NLE1: variants seen among roughly 807,000 people sequenced by gnomAD.
The protein encoded by NLE1 is notchless protein homolog 1.
In NLE1, 37 loss-of-function variants were observed where a neutral mutation model predicts 62.8. The observed-to-expected ratio is 0.59, with a 90% CI of 0.45 to 0.78. The LOEUF is 0.78. NLE1 is among the 30% of genes least tolerant of loss of function. The pLI is 0.00. For synonymous variants in NLE1, 243 were observed against 253.0 expected (o/e 0.96, Z 0.37); for missense variants, 555 against 637.9 (o/e 0.87, Z 1.40).
At chr17:35,134,795 T>C (rs1359932292) in intron 10 of NLE1, 7 of 346,528 alleles carry the variant, frequency 2.0e-5, no homozygotes, top group Non-Finnish European at 3.4e-5. Flanking sequence ...CTCACACCTG[T>C]AATCCCAGCA....
chr17:35,136,541 C>G, intron 7 of NLE1, 44 bp from the exon 8 acceptor site: 1 of 1,582,778 alleles, frequency 6.3e-7, no homozygotes, highest in Non-Finnish European at 8.6e-7. Context: ...CTCCTCCCCA[C>G]GCCTGGGCGA....
rs1233547589 is a variant in NLE1, at chr17:35,130,873, T to TC, written c.*1563dup. ...GCAATAGGATGCTGCCATCACCCCT[T>TC]CCCCAGTGGGGCGGGGTAGGGGAAC... On this transcript the variant is annotated 3_prime_UTR_variant, in exon 13 of 13. Transcript: ENST00000442241. 6.2e-6 allele frequency: 1 copy of TC among 161,736 alleles called. No individual in the cohort carries two copies. Among genetic ancestry groups the TC allele is most frequent in the Non-Finnish European group, 1.4e-5 (1 of 73,404 alleles). 10.0% of individuals were successfully genotyped at this position (161,736 alleles called of 1,614,324 possible).
At chr17:35,142,202 A>AC in intron 1 of NLE1, 56 bp downstream of exon 1, 1 of 1,584,200 alleles carries the variant, frequency 6.3e-7, no homozygotes, top group Non-Finnish European at 8.6e-7. Flanking sequence ...GGCCTCAGGG[A>AC]CCCGGGCCCT....
intron 10 of NLE1, 199 bp downstream of exon 10, chr17:35,135,050 A>G (rs1332057560): frequency 3.0e-6 from 2 of 675,466 alleles, no homozygotes; most frequent in East Asian, 2.9e-5. Flanking sequence ...TGACAGAGTG[A>G]AAGTCATCTC....
Position 35,130,327 on chromosome 17 carries a change from C to T in NLE1, c.*2110G>A, listed in dbSNP as rs1191792142. 6.2e-7 allele frequency: 1 copy of T among 1,613,982 alleles called. No individual in the cohort carries two copies. Among genetic ancestry groups the T allele is most frequent in the Non-Finnish European group, 8.5e-7 (1 of 1,179,996 alleles). The stretch of plus-strand genomic sequence containing the variant: ...CTTCAGCAGCTTTCCTGAGAACTAC[C>T]CCATCCAGATCACCGTGCGGCGCAA... On this transcript the variant is annotated 3_prime_UTR_variant, in exon 13 of 13. Transcript: ENST00000442241.
chr17:35,132,434 G>A lies in NLE1; in HGVS notation c.*3C>T, dbSNP rs191571929. 111 of 1,430,838 alleles carry A rather than the reference G, an allele frequency of 7.8e-5. No homozygotes were observed. Among genetic ancestry groups the A allele is most frequent in the Admixed American group, 4.0e-4 (14 of 35,046 alleles). 88.6% of individuals were successfully genotyped at this position (1,430,838 alleles called of 1,614,324 possible). On this transcript the variant is annotated 3_prime_UTR_variant, in exon 13 of 13. Coordinates refer to ENST00000442241, the MANE Select transcript of NLE1 (RefSeq NM_018096.5). ...TGGGGGTCAGAGAGAACTTCGGGCC[G>A]TCTCATCTCCTCCATCTGTGGAGAA...
rs767270130 is a variant in NLE1, at chr17:35,130,012, G to A, written c.*2425C>T. On this transcript the variant is annotated 3_prime_UTR_variant, in exon 13 of 13. Coordinates refer to ENST00000442241, the MANE Select transcript of NLE1 (RefSeq NM_018096.5). ...GGAAGACAAGAGGCTAAAGGGGGACGAAGAAGGGAACAGCCTGGGTATGGG... is the reference window on the plus strand; with the variant it reads ...GGAAGACAAGAGGCTAAAGGGGGACAAAGAAGGGAACAGCCTGGGTATGGG... 3.3e-5 allele frequency: 46 copies of A among 1,380,292 alleles called. No homozygotes were observed. Among genetic ancestry groups the A allele is most frequent in the Non-Finnish European group, 3.6e-5 (38 of 1,069,248 alleles). 85.5% of individuals were successfully genotyped at this position (1,380,292 alleles called of 1,614,324 possible).
chr17:35,130,516 T>G lies in NLE1; in HGVS notation c.*1921A>C. The G allele has an allele frequency of 7.0e-7, 1 of 1,431,908 alleles. No homozygotes were observed. Among genetic ancestry groups the G allele is most frequent in the Non-Finnish European group, 9.6e-7 (1 of 1,043,678 alleles). 88.7% of individuals were successfully genotyped at this position (1,431,908 alleles called of 1,614,324 possible). On this transcript the variant is annotated 3_prime_UTR_variant, in exon 13 of 13. Transcript: ENST00000442241. Reference sequence around the variant, plus strand: ...GAAACCAGAGCCATGAGACCTACCATACCACCAGCACCCTGCGGGCCCGGG... The same window carrying G: ...GAAACCAGAGCCATGAGACCTACCAGACCACCAGCACCCTGCGGGCCCGGG...
rs2091870534 is a variant in NLE1, at chr17:35,130,518, C to T, written c.*1919G>A. The T allele has an allele frequency of 1.4e-6, 2 of 1,405,320 alleles. No homozygotes were observed. Among genetic ancestry groups the T allele is most frequent in the Non-Finnish European group, 9.7e-7 (1 of 1,027,042 alleles). The allele number at this position is 1,405,320 out of a possible 1,614,324, so 87.1% of individuals were successfully genotyped here. A position where few individuals can be genotyped will look rare whatever the true frequency, so the allele number is the denominator to read the frequency against. Reference sequence around the variant, plus strand: ...AACCAGAGCCATGAGACCTACCATACCACCAGCACCCTGCGGGCCCGGGGT... The same window carrying T: ...AACCAGAGCCATGAGACCTACCATATCACCAGCACCCTGCGGGCCCGGGGT... On this transcript the variant is annotated 3_prime_UTR_variant, in exon 13 of 13. Coordinates refer to ENST00000442241, the MANE Select transcript of NLE1 (RefSeq NM_018096.5).
chr17:35,130,715 A>G lies in NLE1; in HGVS notation c.*1722T>C. 1 of 396,136 alleles carries G rather than the reference A, an allele frequency of 2.5e-6. No individual in the cohort carries two copies. Among genetic ancestry groups the G allele is most frequent in the South Asian group, 3.8e-5 (1 of 26,468 alleles). 24.5% of individuals were successfully genotyped at this position (396,136 alleles called of 1,614,324 possible). The stretch of plus-strand genomic sequence containing the variant: ...CTGGGTCTAGGTCCCTCATTAAAGA[A>G]CTGCAGGTCATCCAGCACCCTAAAG... On this transcript the variant is annotated 3_prime_UTR_variant, in exon 13 of 13. Coordinates refer to ENST00000442241, the MANE Select transcript of NLE1 (RefSeq NM_018096.5).
At position 35,129,074 on chromosome 17, in the gene NLE1, A is replaced by C; in HGVS notation, c.*3363T>G. On this transcript the variant is annotated 3_prime_UTR_variant, in exon 13 of 13. Coordinates refer to ENST00000442241, the MANE Select transcript of NLE1 (RefSeq NM_018096.5). ...GGGGAGCAGCTGTAAATACAGATGA[A>C]GCTTCGCTTGCTCGCCCACCAATCT... The C allele has an allele frequency of 4.3e-6, 1 of 230,718 alleles. No homozygotes were observed. The highest frequency in any genetic ancestry group is 8.7e-6 in the Non-Finnish European group (1 of 115,128). 14.3% of individuals were successfully genotyped at this position (230,718 alleles called of 1,614,324 possible). A position where few individuals can be genotyped will look rare whatever the true frequency, so the allele number is the denominator to read the frequency against.
chr17:35,138,316 G>C (rs2091921958), intron 4 of NLE1, among the ~76,000 whole-genome samples: 2 of 152,222 alleles, frequency 1.3e-5, no homozygotes, highest in African/African-American at 2.4e-5. Context: ...GTGGTCGTCA[G>C]AGCAGCAGCA....
At position 35,131,058 on chromosome 17, in the gene NLE1, G is replaced by C. The variant is rs2091873578; in HGVS notation, c.*1379C>G. The C allele has an allele frequency of 6.6e-6, 1 of 152,294 alleles. No individual in the cohort carries two copies. The highest frequency in any genetic ancestry group is 6.5e-5 in the Admixed American group (1 of 15,290). The allele number at this position is 152,294 out of a possible 1,614,324, so 9.4% of individuals were successfully genotyped here. The stretch of plus-strand genomic sequence containing the variant: ...CACAATAAGCTTTGGGGCAGGGCCT[G>C]GTTTAATCCCAGCTTTCTCTTACTA... On this transcript the variant is annotated 3_prime_UTR_variant, in exon 13 of 13. Transcript: ENST00000442241.
intron 9 of NLE1, 105 bp from the exon 10 acceptor site, chr17:35,135,556 CAG>C (rs550371740): frequency 2.0e-6 from 2 of 982,790 alleles, no homozygotes; most frequent in Non-Finnish European, 3.1e-6. Flanking sequence ...ATGCCAGGGA[CAG>C]AGAGAGGCCA....
intron 3 of NLE1, 153 bp downstream of exon 3, chr17:35,139,696 A>T: frequency 9.4e-7 from 1 of 1,068,008 alleles, no homozygotes; most frequent in Middle Eastern, 3.1e-4. Context: ...TGCCCTACTG[A>T]GGAAGTCCCT....
chr17:35,139,534 T>C (rs1180964231), intron 3 of NLE1, among the ~76,000 whole-genome samples: 1 of 152,196 alleles, frequency 6.6e-6, no homozygotes, highest in African/African-American at 2.4e-5. Flanking sequence ...CTTTCTAAGT[T>C]TGAGAGAAGC....
chr17:35,136,285 A>G, intron 8 of NLE1, 70 bp from the exon 9 acceptor site: 1 of 1,611,778 alleles, frequency 6.2e-7, no homozygotes, highest in East Asian at 2.2e-5. Context: ...CAACACAAAG[A>G]GCAAACACTC....
rs150433926 is a variant in NLE1 at position 35,135,367 on chromosome 17, T to A, written c.1096A>T (p.Thr366Ser). 8.5e-5 allele frequency: 137 copies of A among 1,614,036 alleles called. No individual in the cohort carries two copies. Among genetic ancestry groups the A allele is most frequent in the Non-Finnish European group, 1.0e-4 (123 of 1,180,034 alleles). The part of the protein sequence containing the change: ...WSPAEDKKPL[T>S]RMTGHQALIN... ...AGAGCTTGGTGTCCTGTCATCCGAG[T>A]GAGAGGCTTTTTGTCCTCTGCTGGG... The change falls in exon 10 of 13, where the codon ACT (threonine) becomes TCT (serine). Residue 366 changes from threonine (T) to serine (S), a missense_variant. By Grantham distance (58) the Thr-to-Ser change is moderately conservative. Transcript: ENST00000442241.
intron 10 of NLE1, 124 bp from the exon 11 acceptor site, chr17:35,133,622 C>A (rs2091891071): frequency 2.2e-6 from 2 of 889,052 alleles, no homozygotes; most frequent in Admixed American, 2.5e-5. Context: ...TACCTGGGAA[C>A]CTTTACAAAA....
Sources: allele counts gnomAD v4.1 joint callset (sites outside exome capture counted in the v4.1 genomes callset), GRCh38; gene constraint gnomAD v4.1.1; transcripts MANE v1.5; gene names NCBI Gene and HGNC (gene_info 2026-07-23, HGNC 2026-07-21).